Variants in UNC13B observed in about 807,000 individuals in gnomAD.
UNC13B encodes the protein protein unc-13 homolog B.
UNC13B carries 144 observed loss-of-function variants against 211.0 expected under a neutral mutation model. The observed-to-expected ratio is 0.68, with a 90% CI of 0.60 to 0.78. The LOEUF (loss-of-function observed/expected upper bound fraction) is 0.78, where lower values mean the gene tolerates loss of function less well. Ranked by LOEUF, UNC13B falls within the 30% of genes least tolerant of loss-of-function variation. The pLI, the probability that UNC13B is intolerant of heterozygous loss-of-function variation, is 0.00. For missense variants in UNC13B, 1,777 were observed against 2,002.0 expected, an observed-to-expected ratio of 0.89 and a Z score of 2.14; for synonymous variants, 709 against 725.8, an observed-to-expected ratio of 0.98 and a Z score of 0.37.
At chr9:35,363,597 C>A (rs1833574411) in intron 11 of UNC13B, among the ~76,000 whole-genome samples, 1 of 152,116 alleles carries the variant, frequency 6.6e-6, no homozygotes, top group African/African-American at 2.4e-5. Context: ...GAATTCTCCC[C>A]TCTACTTGTG....
At chr9:35,289,315 C>A (rs1209369487) in intron 7 of UNC13B, among the ~76,000 whole-genome samples, 1 of 152,190 alleles carries the variant, frequency 6.6e-6, no homozygotes, top group East Asian at 1.9e-4. Flanking sequence ...GGGAGTCACA[C>A]ACTCAGAACC....
intron 1 of UNC13B, among the ~76,000 whole-genome samples, chr9:35,223,324 GTT>G (rs1299211806): frequency 6.6e-6 from 1 of 152,104 alleles, no homozygotes; most frequent in African/African-American, 2.4e-5. Context: ...GTGTATATGA[GTT>G]CTCTTTTCTC....
At chr9:35,202,957 T>C (rs1047609201) in intron 1 of UNC13B, among the ~76,000 whole-genome samples, 8 of 151,984 alleles carry the variant, frequency 5.3e-5, no homozygotes, top group African/African-American at 1.7e-4. Flanking sequence ...CGTGCCCGGC[T>C]AATTTTTTGT....
At position 35,393,728 on chromosome 9, in the gene UNC13B, C is replaced by T. The variant is rs544101537; in HGVS notation, c.11309-2748C>T. 3.9e-5 allele frequency among the ~76,000 whole-genome samples: 6 copies of T among 152,058 alleles called. No individual in the cohort carries two copies. In the East Asian group the frequency reaches 1.2e-3, roughly 29 times the overall value. On this transcript the variant is annotated intron_variant, in intron 26 of 39. Coordinates refer to ENST00000635942, the MANE Select transcript of UNC13B (RefSeq NM_001371189.2). ...CTGGGATTACAAGCGTGTGCCACCACACCCAGCTAATTTTTGTATTTTTAG... is the reference window on the plus strand; with the variant it reads ...CTGGGATTACAAGCGTGTGCCACCATACCCAGCTAATTTTTGTATTTTTAG...
chr9:35,254,521 G>T (rs1826702104), intron 6 of UNC13B, among the ~76,000 whole-genome samples: 2 of 152,106 alleles, frequency 1.3e-5, no homozygotes, highest in African/African-American at 4.8e-5. Context: ...TGAATTTTTG[G>T]TGGGGGCAGG....
intron 3 of UNC13B, among the ~76,000 whole-genome samples, chr9:35,231,537 A>G (rs1362512944): frequency 6.6e-6 from 1 of 152,200 alleles, no homozygotes; most frequent in African/African-American, 2.4e-5. Flanking sequence ...GAATTAGAAT[A>G]CAGTACAACA....
At chr9:35,331,851 C>T (rs1382946307) in intron 11 of UNC13B, among the ~76,000 whole-genome samples, 2 of 152,102 alleles carry the variant, frequency 1.3e-5, no homozygotes, top group Non-Finnish European at 2.9e-5. Context: ...TACAGTCTTC[C>T]CTCAAGCATC....
chr9:35,364,570 T>G, intron 11 of UNC13B: 1 of 1,536,088 alleles, frequency 6.5e-7, no homozygotes, highest in Non-Finnish European at 8.7e-7. Context: ...CCCTTCAGGT[T>G]GTGCCTATGA....
intron 1 of UNC13B, among the ~76,000 whole-genome samples, chr9:35,212,139 A>G (rs1824002130): frequency 6.6e-6 from 1 of 152,252 alleles, no homozygotes; most frequent in South Asian, 2.1e-4. Context: ...TACTTGGAAG[A>G]CTGCTTCACT....
At chr9:35,389,618 A>G (rs1175012453) in intron 24 of UNC13B, among the ~76,000 whole-genome samples, 2 of 152,216 alleles carry the variant, frequency 1.3e-5, no homozygotes, top group Non-Finnish European at 2.9e-5. Flanking sequence ...GACCAAGTTT[A>G]TCAGAGAGAA....
At position 35,295,118 on chromosome 9, in the gene UNC13B, G is replaced by A. The variant is rs182006187; in HGVS notation, c.527-578G>A. ...CACAGTAAGAGTGCTGCTGTTCTCA[G>A]CTGCATCTAGAGCCTTTGACTTGAT... On this transcript the variant is annotated intron_variant, in intron 7 of 39. Transcript: ENST00000635942. Among the ~76,000 whole-genome samples, 86 of 152,282 alleles carry A rather than the reference G, an allele frequency of 5.6e-4. No individual in the cohort carries two copies. In the Middle Eastern group the frequency reaches 0.024, roughly 42 times the overall value.
rs537695963 is a variant in UNC13B at position 35,246,260 on chromosome 9, A to G, written c.468+2896A>G. On this transcript the variant is annotated intron_variant, in intron 6 of 39. Coordinates refer to ENST00000635942, the MANE Select transcript of UNC13B (RefSeq NM_001371189.2). ...AGATTCTGGATATTAGCCCTTTGTC[A>G]GAGGAGTAGATTGCAAAAATTTTCT... Among the ~76,000 whole-genome samples the G allele has an allele frequency of 2.6e-5, 4 of 151,960 alleles. No individual in the cohort carries two copies. In the South Asian group the frequency reaches 8.3e-4, roughly 32 times the overall value.
chr9:35,313,784 AG>A, intron 10 of UNC13B, 114 bp from the exon 11 acceptor site: 1 of 749,360 alleles, frequency 1.3e-6, no homozygotes, highest in East Asian at 2.6e-5. Flanking sequence ...TCACTAAATA[AG>A]TGTAGGCATG....
rs866311146 is a variant in UNC13B at position 35,183,278 on chromosome 9, C to T, written c.22+20973C>T. On this transcript the variant is annotated intron_variant, in intron 1 of 39. Coordinates refer to ENST00000635942, the MANE Select transcript of UNC13B (RefSeq NM_001371189.2). ...GCAGAGGAGCCCCTCACCTCCCAGG[C>T]GGGGTGGCCGGGCAGAGGCGCCCCT... 9.7e-5 allele frequency among the ~76,000 whole-genome samples: 11 copies of T among 112,938 alleles called. 1 individual carries two copies. The highest frequency in any genetic ancestry group is 3.2e-4 in the African/African-American group (9 of 28,182). The allele number at this position is 112,938 out of a possible 152,430, so 74.1% of individuals were successfully genotyped here. A position where few individuals can be genotyped will look rare whatever the true frequency, so the allele number is the denominator to read the frequency against.
chr9:35,396,572 T>C lies in UNC13B; in HGVS notation c.11405T>C (p.Val3802Ala), dbSNP rs1835890621. 1 of 1,613,900 alleles carries C rather than the reference T, an allele frequency of 6.2e-7. No homozygotes were observed. Among genetic ancestry groups the C allele is most frequent in the South Asian group, 1.1e-5 (1 of 91,066 alleles). The change falls in exon 27 of 40, where the codon GTC (valine) becomes GCC (alanine). Residue 3802 changes from valine (V) to alanine (A), a missense_variant. Coordinates refer to ENST00000635942, the MANE Select transcript of UNC13B (RefSeq NM_001371189.2). ...AATGAATACGTGCGGGATCTGCCTG[T>C]CCTCCAGGGGCAGGTGCCTGAGTAC... ...LHNEYVRDLP[V>A]LQGQVPEYPA...
chr9:35,238,264 A>C (rs1004932887), intron 5 of UNC13B, among the ~76,000 whole-genome samples: 5 of 152,216 alleles, frequency 3.3e-5, no homozygotes, highest in Non-Finnish European at 5.9e-5. Context: ...TCAAATAGTA[A>C]GGAAATGTAC....
At chr9:35,360,482 T>C (rs192638355) in intron 11 of UNC13B, 2 of 152,348 alleles carry the variant, frequency 1.3e-5, no homozygotes, top group East Asian at 3.9e-4. Flanking sequence ...AATAAGTGTT[T>C]GATTAGTATC....
At chr9:35,325,190 A>T (rs931287414) in intron 11 of UNC13B, among the ~76,000 whole-genome samples, 7 of 152,242 alleles carry the variant, frequency 4.6e-5, no homozygotes, top group African/African-American at 1.7e-4. Flanking sequence ...ATCTGTTGGC[A>T]GGATGAATGA....
intron 6 of UNC13B, among the ~76,000 whole-genome samples, chr9:35,247,196 T>G (rs960057228): frequency 3.9e-5 from 6 of 152,226 alleles, no homozygotes; most frequent in Admixed American, 3.9e-4. Context: ...TTTTTGCACA[T>G]TGATTTTGTA....
Sources: gnomAD v4.1 joint callset for allele counts (sites outside exome capture counted in the v4.1 genomes callset) on GRCh38, gnomAD v4.1.1 for gene constraint, MANE v1.5 for transcripts, NCBI Gene and HGNC (gene_info 2026-07-23, HGNC 2026-07-21) for gene names.